PDSS2: variants seen among roughly 807,000 people sequenced by gnomAD.
The protein encoded by PDSS2 is decaprenyl diphosphate synthase subunit 2.
In PDSS2, 31 loss-of-function variants were observed where a neutral mutation model predicts 44.5. The observed-to-expected ratio is 0.70, with a 90% CI of 0.52 to 0.94. The LOEUF is 0.94. PDSS2 is among the 40% of genes least tolerant of loss of function. The pLI is 0.00. For missense variants in PDSS2, 452 were observed against 482.2 expected, an observed-to-expected ratio of 0.94 and a Z score of 0.59; for synonymous variants, 157 against 180.3, an observed-to-expected ratio of 0.87 and a Z score of 1.03.
At chr6:107,286,828 C>T (rs1776169450) in intron 2 of PDSS2, among the ~76,000 whole-genome samples, 1 of 151,998 alleles carries the variant, frequency 6.6e-6, no homozygotes, top group Admixed American at 6.6e-5. Context: ...ATCATGAGGT[C>T]AAAAGATCGA....
chr6:107,160,660 T>C (rs1771094357), intron 7 of PDSS2, among the ~76,000 whole-genome samples: 1 of 150,464 alleles, frequency 6.6e-6, no homozygotes, highest in African/African-American at 2.4e-5. Flanking sequence ...GTTGATGTCT[T>C]GTAAATGCTG....
In PDSS2 at chr6:107,210,295, C is replaced by T. The variant is rs191690334; in HGVS notation, c.1008+144G>A. 1.9e-5 allele frequency: 13 copies of T among 688,342 alleles called. No individual in the cohort carries two copies. The East Asian group carries it at 2.6e-4, about 14-fold the overall frequency. The allele number at this position is 688,342 out of a possible 1,614,324, so 42.6% of individuals were successfully genotyped here. A position where few individuals can be genotyped will look rare whatever the true frequency, so the allele number is the denominator to read the frequency against. On this transcript the variant is annotated intron_variant, in intron 6 of 7. Coordinates refer to ENST00000369037, the MANE Select transcript of PDSS2 (RefSeq NM_020381.4). ...TAACTAATCTTTTACCTCTTAAAAA[C>T]GAAGATTACAAAGAAAGGATTTTAC... is the stretch of plus-strand genomic sequence containing the variant.
intron 1 of PDSS2, among the ~76,000 whole-genome samples, chr6:107,429,904 ATATATATATATATATATAT>A (rs1781133146): frequency 6.0e-5 from 2 of 33,374 alleles, no homozygotes; most frequent in Non-Finnish European, 6.6e-5. Context: ...AAAAAAAAAT[ATATATATATATATATATAT>A]ATATATATAT....
intron 1 of PDSS2, among the ~76,000 whole-genome samples, chr6:107,357,767 A>G (rs1225691920): frequency 6.6e-6 from 1 of 152,208 alleles, no homozygotes; most frequent in Non-Finnish European, 1.5e-5. Context: ...AAACAATGAT[A>G]AAGAATTTAA....
intron 3 of PDSS2, among the ~76,000 whole-genome samples, chr6:107,263,959 G>A (rs914172119): frequency 1.3e-5 from 2 of 152,158 alleles, no homozygotes; most frequent in Admixed American, 6.5e-5. Flanking sequence ...CTACACTTGA[G>A]TGGGTTACAT....
chr6:107,395,880 G>C (rs1779925552), intron 1 of PDSS2, among the ~76,000 whole-genome samples: 1 of 152,124 alleles, frequency 6.6e-6, no homozygotes, highest in South Asian at 2.1e-4. Context: ...GTTTAAAGAG[G>C]ATTGATCTTT....
intron 1 of PDSS2, among the ~76,000 whole-genome samples, chr6:107,361,512 C>T (rs938173153): frequency 6.6e-6 from 1 of 152,152 alleles, no homozygotes; most frequent in Non-Finnish European, 1.5e-5. Context: ...CTTGACCCTA[C>T]AAATGTCTTT....
chr6:107,417,250 C>CA (rs1022966409), intron 1 of PDSS2, among the ~76,000 whole-genome samples: 1 of 151,968 alleles, frequency 6.6e-6, no homozygotes, highest in Non-Finnish European at 1.5e-5. Context: ...ACATGTAGCT[C>CA]AGGGTAACTT....
chr6:107,417,254 G>A (rs2114682137), intron 1 of PDSS2, among the ~76,000 whole-genome samples: 1 of 152,068 alleles, frequency 6.6e-6, no homozygotes, highest in East Asian at 1.9e-4. Context: ...GTAGCTCAGG[G>A]TAACTTTTTT....
intron 1 of PDSS2, among the ~76,000 whole-genome samples, chr6:107,385,999 G>T (rs61120545): frequency 6.6e-6 from 1 of 152,054 alleles, no homozygotes; most frequent in African/African-American, 2.4e-5. Flanking sequence ...TTCTGCCTTA[G>T]AACTTCATTA....
chr6:107,401,057 A>C (rs1406193729), intron 1 of PDSS2, among the ~76,000 whole-genome samples: 1 of 152,224 alleles, frequency 6.6e-6, no homozygotes, highest in African/African-American at 2.4e-5. Flanking sequence ...GGTCAAGTAT[A>C]AACACTACTG....
At chr6:107,393,588 TAA>T (rs1414266922) in intron 1 of PDSS2, among the ~76,000 whole-genome samples, 4 of 152,194 alleles carry the variant, frequency 2.6e-5, no homozygotes, top group African/African-American at 9.6e-5. Context: ...TATTAATTGT[TAA>T]GAGAGGAGTA....
chr6:107,425,776 A>G lies in PDSS2; in HGVS notation c.296+33214T>C, dbSNP rs568406791. On this transcript the variant is annotated intron_variant, in intron 1 of 7. Transcript: ENST00000369037. ...GGAAATCGAGACCATCCTGGCTAAC[A>G]TGGTGAAACCCTGTCTCTACTAAAA... 2.1e-3 allele frequency among the ~76,000 whole-genome samples: 315 copies of G among 152,296 alleles called. 1 individual carries two copies. Among genetic ancestry groups the G allele is most frequent in the Middle Eastern group, 0.014 (4 of 294 alleles).
At chr6:107,456,582 G>T (rs920005697) in intron 1 of PDSS2, among the ~76,000 whole-genome samples, 2 of 152,136 alleles carry the variant, frequency 1.3e-5, no homozygotes, top group Non-Finnish European at 2.9e-5. Context: ...TTGAGACAGG[G>T]TCTCTTGCCC....
At chr6:107,393,215 C>T (rs568843034) in intron 1 of PDSS2, among the ~76,000 whole-genome samples, 22 of 152,164 alleles carry the variant, frequency 1.4e-4, no homozygotes, top group African/African-American at 3.4e-4. Flanking sequence ...TTTTCATCTT[C>T]ATTCACAATA....
At position 107,213,824 on chromosome 6, in the gene PDSS2, G is replaced by T. The variant is rs908403453; in HGVS notation, c.703-1542C>A. ...GATGTAATCTATTATAATGGAGAAT[G>T]AATATTATAGTCTTCATGAAAGTTT... On this transcript the variant is annotated intron_variant, in intron 4 of 7. Transcript: ENST00000369037. Among the ~76,000 whole-genome samples the T allele has an allele frequency of 1.1e-4, 16 of 152,126 alleles. No homozygotes were observed. The East Asian group carries it at 2.9e-3, about 28-fold the overall frequency.
intron 1 of PDSS2, among the ~76,000 whole-genome samples, chr6:107,365,712 G>A (rs1778940549): frequency 6.6e-6 from 1 of 152,134 alleles, no homozygotes; most frequent in Non-Finnish European, 1.5e-5. Flanking sequence ...CACCACAATA[G>A]AGCTGGAATG....
intron 3 of PDSS2, among the ~76,000 whole-genome samples, chr6:107,270,305 T>G (rs751281525): frequency 5.5e-4 from 84 of 152,018 alleles, no homozygotes; most frequent in Non-Finnish European, 3.7e-4. Context: ...AGAGACGGGA[T>G]TTCACCATCT....
chr6:107,264,431 C>T, intron 3 of PDSS2: 11 of 1,549,620 alleles, frequency 7.1e-6, no homozygotes, highest in Non-Finnish European at 9.6e-6. Context: ...CATGACAATG[C>T]TCTTGGGTGT....
Sources: gnomAD v4.1 joint callset for allele counts (sites outside exome capture counted in the v4.1 genomes callset) on GRCh38, gnomAD v4.1.1 for gene constraint, MANE v1.5 for transcripts, NCBI Gene and HGNC (gene_info 2026-07-23, HGNC 2026-07-21) for gene names.